The following COG5 variants were observed in gnomAD, a reference collection of about 807,000 sequenced individuals.
COG5 encodes conserved oligomeric Golgi complex subunit 5.
In COG5, 86 loss-of-function variants were observed where a neutral mutation model predicts 110.4. The observed-to-expected ratio is 0.78, with a 90% CI of 0.65 to 0.93. The LOEUF (loss-of-function observed/expected upper bound fraction) is 0.93. COG5 is among the 40% of genes least tolerant of loss of function. The pLI, the probability that COG5 is intolerant of heterozygous loss-of-function variation, is 0.00. For missense variants in COG5, 1,077 were observed against 987.0 expected (o/e 1.09, Z -1.22); for synonymous variants, 360 against 334.6 (o/e 1.08, Z -0.83).
At chr7:107,455,659 GAGAC>G (rs1422021053) in intron 6 of COG5, among the ~76,000 whole-genome samples, 13 of 152,142 alleles carry the variant, frequency 8.5e-5, no homozygotes, top group African/African-American at 3.1e-4. Flanking sequence ...GTGAGAGAGA[GAGAC>G]AGAGAAATGA....
At position 107,539,121 on chromosome 7, in the gene COG5, T is replaced by G. The variant is rs536703100; in HGVS notation, c.417+8990A>C. ...AGTGAGAGACACTGTCTAAAAAAAA[T>G]TAAAATTTAAAAAAAAATTAGCTGG... On this transcript the variant is annotated intron_variant, in intron 5 of 21. Transcript: ENST00000297135. Among the ~76,000 whole-genome samples the G allele has an allele frequency of 2.6e-5, 4 of 151,900 alleles. No homozygotes were observed. In the South Asian group the frequency reaches 6.2e-4, roughly 24 times the overall value.
At chr7:107,348,413 T>C (rs1200786091) in intron 10 of COG5, among the ~76,000 whole-genome samples, 3 of 152,122 alleles carry the variant, frequency 2.0e-5, no homozygotes, top group African/African-American at 4.8e-5. Flanking sequence ...TGAAAAACCA[T>C]ATGGGCCTAC....
At chr7:107,331,447 G>A (rs1182654581) in intron 10 of COG5, among the ~76,000 whole-genome samples, 4 of 151,858 alleles carry the variant, frequency 2.6e-5, no homozygotes, top group African/African-American at 7.3e-5. Context: ...CAGACTGGGC[G>A]ACAGAGCAAG....
chr7:107,507,761 G>C lies in COG5; in HGVS notation c.538+19476C>G, dbSNP rs570901968. ...ATAAGTGAGAAACGTTTGCCTATAA[G>C]TATTGTTTTATCAGATTAAGAAATA... On this transcript the variant is annotated intron_variant, in intron 6 of 21. Coordinates refer to ENST00000297135, the MANE Select transcript of COG5 (RefSeq NM_006348.5). Among the ~76,000 whole-genome samples, 7 of 152,050 alleles carry C rather than the reference G, an allele frequency of 4.6e-5. No individual in the cohort carries two copies. In the East Asian group the frequency reaches 1.3e-3, roughly 29 times the overall value.
intron 6 of COG5, among the ~76,000 whole-genome samples, chr7:107,513,499 A>G (rs1428785326): frequency 6.6e-6 from 1 of 152,224 alleles, no homozygotes; most frequent in East Asian, 1.9e-4. Flanking sequence ...GCGATTCCTC[A>G]GGGATCTAGA....
At chr7:107,507,993 A>T (rs1283965819) in intron 6 of COG5, among the ~76,000 whole-genome samples, 2 of 152,360 alleles carry the variant, frequency 1.3e-5, no homozygotes, top group East Asian at 3.9e-4. Context: ...CATCTGAGGT[A>T]TCGCGTTCAT....
At chr7:107,279,160 A>AT (rs746180664) in intron 14 of COG5, among the ~76,000 whole-genome samples, 3 of 152,272 alleles carry the variant, frequency 2.0e-5, no homozygotes, top group South Asian at 2.1e-4. Flanking sequence ...AAGAAGACAT[A>AT]TATGTGGCCA....
intron 16 of COG5, among the ~76,000 whole-genome samples, chr7:107,250,745 T>C (rs190206751): frequency 2.5e-4 from 38 of 152,122 alleles, no homozygotes; most frequent in African/African-American, 8.7e-4. Flanking sequence ...AATTGTAAAA[T>C]TGACGGGATA....
chr7:107,292,329 T>G (rs1401621472), intron 12 of COG5, among the ~76,000 whole-genome samples: 1 of 152,202 alleles, frequency 6.6e-6, no homozygotes, highest in African/African-American at 2.4e-5. Context: ...ACCCAGGACC[T>G]GTTTTATTGC....
intron 13 of COG5, among the ~76,000 whole-genome samples, chr7:107,283,149 A>T (rs866489932): frequency 9.9e-5 from 15 of 152,184 alleles, no homozygotes; most frequent in Admixed American, 5.9e-4. Flanking sequence ...AGCGAACACA[A>T]GCTAATCAAA....
At chr7:107,298,669 C>T (rs532374416) in intron 11 of COG5, among the ~76,000 whole-genome samples, 2 of 152,214 alleles carry the variant, frequency 1.3e-5, no homozygotes, top group East Asian at 1.9e-4. Context: ...AACTGGACAG[C>T]GCTAACACCC....
At chr7:107,376,468 T>C (rs1282457063) in intron 7 of COG5, among the ~76,000 whole-genome samples, 2 of 151,984 alleles carry the variant, frequency 1.3e-5, no homozygotes, top group Non-Finnish European at 2.9e-5. Context: ...GTTTTATAGA[T>C]AGTTTTCTGT....
chr7:107,408,781 A>C (rs1258243407), intron 7 of COG5, among the ~76,000 whole-genome samples: 1 of 152,222 alleles, frequency 6.6e-6, no homozygotes, highest in African/African-American at 2.4e-5. Context: ...ATGGCTCTGA[A>C]GCTATCAAAT....
At chr7:107,294,925 A>G (rs868450580) in intron 12 of COG5, among the ~76,000 whole-genome samples, 187 of 96,476 alleles carry the variant, frequency 1.9e-3, no homozygotes, top group African/African-American at 3.5e-3. Context: ...GTGTGTGTGT[A>G]TATATACACA....
intron 6 of COG5, among the ~76,000 whole-genome samples, chr7:107,447,875 G>A (rs1188828449): frequency 2.0e-5 from 3 of 152,202 alleles, no homozygotes; most frequent in Non-Finnish European, 4.4e-5. Flanking sequence ...CTTACTGACA[G>A]TCGGGCACAG....
In COG5 at chr7:107,474,891, G is replaced by T; in HGVS notation, c.538+52346C>A. The T allele has an allele frequency of 6.2e-7, 1 of 1,613,192 alleles. No individual in the cohort carries two copies. The highest frequency in any genetic ancestry group is 8.5e-7 in the Non-Finnish European group (1 of 1,179,486). ...CAGACATGTCACAAAGCAGTGGTGG[G>T]AGAAATGTAGTCTTTGGTGTAAGAA... On this transcript the variant is annotated intron_variant, in intron 6 of 21. Transcript: ENST00000297135. The surrounding 1 kb of genome is among the most constrained non-coding windows in gnomAD (Gnocchi z 5.7).
At chr7:107,235,552 A>C (rs1365835213) in intron 18 of COG5, among the ~76,000 whole-genome samples, 2 of 152,128 alleles carry the variant, frequency 1.3e-5, no homozygotes, top group Non-Finnish European at 2.9e-5. Context: ...AAAATACAAA[A>C]ATTATCCAGG....
At chr7:107,221,404 A>G (rs527369993) in intron 19 of COG5, among the ~76,000 whole-genome samples, 16 of 152,142 alleles carry the variant, frequency 1.1e-4, no homozygotes, top group African/African-American at 3.9e-4. Flanking sequence ...ATCTCTTAGT[A>G]CTTCCCGTAT....
rs763696416 is a variant in COG5 at position 107,362,296 on chromosome 7, T to A, written c.948+12A>T. On this transcript the variant is annotated intron_variant, in intron 9 of 21. Coordinates refer to ENST00000297135, the MANE Select transcript of COG5 (RefSeq NM_006348.5). ...CCATATTAATGTTTTTTCCACTCCT[T>A]CAAATATTTACCTGTCCACAAACAG... The A allele has an allele frequency of 5.1e-6, 8 of 1,583,842 alleles. No homozygotes were observed. The highest frequency in any genetic ancestry group is 6.1e-6 in the Non-Finnish European group (7 of 1,152,814).
Sources: allele counts gnomAD v4.1 joint callset (sites outside exome capture counted in the v4.1 genomes callset), GRCh38; gene constraint gnomAD v4.1.1; non-coding constraint Gnocchi (gnomAD v3.1); transcripts MANE v1.5; gene names NCBI Gene and HGNC (gene_info 2026-07-23, HGNC 2026-07-21).